The following JAKMIP1 variants were observed in gnomAD, a reference collection of about 807,000 sequenced individuals.
JAKMIP1 encodes janus kinase and microtubule-interacting protein 1.
JAKMIP1 carries 33 observed loss-of-function variants against 113.0 expected under a neutral mutation model. That is an observed-to-expected ratio of 0.29 (90% CI 0.22 to 0.39). JAKMIP1 has a LOEUF of 0.39. JAKMIP1 is among the 10% of genes least tolerant of loss of function. The probability of loss-of-function intolerance (pLI) is 1.00; values close to 1 mark genes in which losing one functional copy is unlikely to be tolerated. For missense variants in JAKMIP1, 813 were observed against 1,080.5 expected (o/e 0.75, Z 3.47); for synonymous variants, 480 against 459.9 (o/e 1.04, Z -0.56).
At chr4:6,056,403 C>A (rs1716469299) in intron 12 of JAKMIP1, among the ~76,000 whole-genome samples, 1 of 152,242 alleles carries the variant, frequency 6.6e-6, no homozygotes, top group South Asian at 2.1e-4. Flanking sequence ...GCCAGCCCTC[C>A]CCATTTCTGC....
Position 6,031,817 on chromosome 4 carries a change from C to T in JAKMIP1, c.2380-2036G>A, listed in dbSNP as rs1262105536. ...ATTCTGCCTCCCTGAGGCTTGGTGTCCTTATCTATAGATGGGTGCTGCCCA... is the reference window on the plus strand; with the variant it reads ...ATTCTGCCTCCCTGAGGCTTGGTGTTCTTATCTATAGATGGGTGCTGCCCA... On this transcript the variant is annotated intron_variant, in intron 19 of 20. Transcript: ENST00000409021. The surrounding 1 kb of genome is among the most constrained non-coding windows in gnomAD (Gnocchi z 4.4). 1.3e-5 allele frequency among the ~76,000 whole-genome samples: 2 copies of T among 152,322 alleles called. No homozygotes were observed. The highest frequency in any genetic ancestry group is 4.8e-5 in the African/African-American group (2 of 41,572).
intron 1 of JAKMIP1, among the ~76,000 whole-genome samples, chr4:6,117,376 C>A (rs1308812975): frequency 6.6e-6 from 1 of 152,134 alleles, no homozygotes; most frequent in Non-Finnish European, 1.5e-5. Context: ...GCCACAAAAA[C>A]CAACAAGTTT....
chr4:6,118,442 T>C (rs1716171494), intron 1 of JAKMIP1, among the ~76,000 whole-genome samples: 1 of 152,096 alleles, frequency 6.6e-6, no homozygotes, highest in South Asian at 2.1e-4. Context: ...ACAAGGGGCA[T>C]GTGGTGTCAG....
chr4:6,094,392 A>T lies in JAKMIP1; in HGVS notation c.625-8763T>A, dbSNP rs987695216. Among the ~76,000 whole-genome samples, 2 of 152,236 alleles carry T rather than the reference A, an allele frequency of 1.3e-5. No individual in the cohort carries two copies. Among genetic ancestry groups the T allele is most frequent in the African/African-American group, 4.8e-5 (2 of 41,550 alleles). On this transcript the variant is annotated intron_variant, in intron 3 of 20. Coordinates refer to ENST00000409021, the MANE Select transcript of JAKMIP1 (RefSeq NM_001099433.2). The surrounding 1 kb of genome is among the most constrained non-coding windows in gnomAD (Gnocchi z 4.2). ...CCACTGAGAAGGCCAGAAATGGGCC[A>T]CTCCTACCCAACTGACAGGAGGAAT...
In JAKMIP1 at chr4:6,140,177, C is replaced by G. The variant is rs375277165; in HGVS notation, c.-147-27180G>C. 6.6e-6 allele frequency among the ~76,000 whole-genome samples: 1 copy of G among 151,928 alleles called. No homozygotes were observed. The highest frequency in any genetic ancestry group is 1.5e-5 in the Non-Finnish European group (1 of 68,016). On this transcript the variant is annotated intron_variant, in intron 1 of 20. Transcript: ENST00000409021. This position sits in a 1 kb window ranked among gnomAD's most constrained non-coding sequence, Gnocchi z 9.4. Reference sequence around the variant, plus strand: ...ACACACAGGGGAGAAAGGCTGACAGCGGCAGAAACAATCAATGTTCACGTG... The same window carrying G: ...ACACACAGGGGAGAAAGGCTGACAGGGGCAGAAACAATCAATGTTCACGTG...
At chr4:6,134,110 C>T (rs576418696) in intron 1 of JAKMIP1, among the ~76,000 whole-genome samples, 2 of 152,348 alleles carry the variant, frequency 1.3e-5, no homozygotes, top group Admixed American at 6.5e-5. Flanking sequence ...GCAGTTCCCC[C>T]ATGCTGTTCT....
At position 6,035,950 on chromosome 4, in the gene JAKMIP1, C is replaced by T. The variant is rs1367195874; in HGVS notation, c.2333G>A (p.Ser778Asn). ...CTCCATGCGCTCCCGCAGGATCTGG[C>T]TGTCGAACTCGCGGCTCTGCCTGAG... The part of the protein sequence containing the change: ...QILRQSREFD[S>N]QILRERMELL... Residue 778 changes from serine (S) to asparagine (N), a missense_variant, in exon 19 of 21, where the codon AGC (serine) becomes AAC (asparagine). Physicochemically the swap from Ser to Asn is conservative, Grantham distance 46. Around this residue, in one of 2 missense-constraint regions of JAKMIP1, gnomAD observed 273 missense variants for 426.6 expected, o/e 0.64. Transcript: ENST00000409021. 1 of 1,551,410 alleles carries T rather than the reference C, an allele frequency of 6.4e-7. No homozygotes were observed. Among genetic ancestry groups the T allele is most frequent in the Admixed American group, 2.0e-5 (1 of 51,020 alleles).
chr4:6,170,432 G>GCACCC (rs1724365220), intron 1 of JAKMIP1, among the ~76,000 whole-genome samples: 8 of 1,340 alleles, frequency 6.0e-3, no homozygotes, highest in Admixed American at 0.025. Context: ...CATCACCATA[G>GCACCC]TCACCACCAC....
At position 6,050,643 on chromosome 4, in the gene JAKMIP1, T is replaced by C. The variant is rs1413354047; in HGVS notation, c.1843A>G (p.Ile615Val). The C allele has an allele frequency of 2.5e-6, 4 of 1,573,232 alleles. No individual in the cohort carries two copies. The highest frequency in any genetic ancestry group is 3.5e-6 in the Non-Finnish European group (4 of 1,158,780). ...ERRSPAFNLQ[I>V]TTFPENHSSA... Reference sequence around the variant, plus strand: ...CTGTGGTTCTCGGGGAAGGTGGTGATTTGGAGGTTAAATGCTGGCGACCTC... The same window carrying C: ...CTGTGGTTCTCGGGGAAGGTGGTGACTTGGAGGTTAAATGCTGGCGACCTC... Residue 615 changes from isoleucine (I) to valine (V), a missense_variant, in exon 14 of 21, where the codon ATC becomes GTC. Ile to Val is a conservative substitution (Grantham distance 29). Around this residue, in one of 2 missense-constraint regions of JAKMIP1, gnomAD observed 273 missense variants for 426.6 expected, o/e 0.64. Transcript: ENST00000409021. The surrounding 1 kb of genome is among the most constrained non-coding windows in gnomAD (Gnocchi z 7.4).
Position 6,183,817 on chromosome 4 carries a change from C to T in JAKMIP1, c.-148+16436G>A, listed in dbSNP as rs1726335126. Among the ~76,000 whole-genome samples the T allele has an allele frequency of 6.6e-6, 1 of 152,182 alleles. No homozygotes were observed. The highest frequency in any genetic ancestry group is 1.5e-5 in the Non-Finnish European group (1 of 68,030). On this transcript the variant is annotated intron_variant, in intron 1 of 20. Coordinates refer to ENST00000409021, the MANE Select transcript of JAKMIP1 (RefSeq NM_001099433.2). This position sits in a 1 kb window ranked among gnomAD's most constrained non-coding sequence, Gnocchi z 5.3. ...GGGCTTGGGGGACAGCCTCTCCTGT[C>T]ATCTCCAGTGAAATGCACTCTGAGA...
rs927812756 is a variant in JAKMIP1 at position 6,081,964 on chromosome 4, G to A, written c.955-209C>T. Among the ~76,000 whole-genome samples, 2 of 152,164 alleles carry A rather than the reference G, an allele frequency of 1.3e-5. No individual in the cohort carries two copies. The highest frequency in any genetic ancestry group is 2.9e-5 in the Non-Finnish European group (2 of 68,036). On this transcript the variant is annotated intron_variant, in intron 5 of 20. Transcript: ENST00000409021. The surrounding 1 kb of genome is among the most constrained non-coding windows in gnomAD (Gnocchi z 4.6). The stretch of plus-strand genomic sequence containing the variant: ...TCAAATGAGAATCACGGCAGCTCCT[G>A]TCTCCTAGGCACATGGTGAGAATTG...
In JAKMIP1 at chr4:6,064,546, G is replaced by A. The variant is rs576771444; in HGVS notation, c.1431+334C>T. On this transcript the variant is annotated intron_variant, in intron 9 of 20. Transcript: ENST00000409021. This position sits in a 1 kb window ranked among gnomAD's most constrained non-coding sequence, Gnocchi z 4.3. Reference sequence around the variant, plus strand: ...GGGACCAGGGAGAGACCATTACGCAGCAGTTTTAATTGCAAATGGTGAGGA... The same window carrying A: ...GGGACCAGGGAGAGACCATTACGCAACAGTTTTAATTGCAAATGGTGAGGA... 1.4e-4 allele frequency among the ~76,000 whole-genome samples: 22 copies of A among 152,336 alleles called. No homozygotes were observed. The highest frequency in any genetic ancestry group is 4.3e-4 in the African/African-American group (18 of 41,584).
Position 6,136,769 on chromosome 4 carries a change from C to A in JAKMIP1, c.-147-23772G>T, listed in dbSNP as rs570203905. On this transcript the variant is annotated intron_variant, in intron 1 of 20. Transcript: ENST00000409021. This position sits in a 1 kb window ranked among gnomAD's most constrained non-coding sequence, Gnocchi z 5.9. Reference sequence around the variant, plus strand: ...CTCCCTGTCCAGTCCAGCCAGCTGACCACAACCCACATCGTGGGGGTCCTG... The same window carrying A: ...CTCCCTGTCCAGTCCAGCCAGCTGAACACAACCCACATCGTGGGGGTCCTG... Among the ~76,000 whole-genome samples the A allele has an allele frequency of 2.0e-5, 3 of 152,322 alleles. No individual in the cohort carries two copies. Among genetic ancestry groups the A allele is most frequent in the Admixed American group, 2.0e-4 (3 of 15,302 alleles).
chr4:6,154,556 A>G lies in JAKMIP1; in HGVS notation c.-147-41559T>C, dbSNP rs772752570. ...AGGAAGAGGATGCATTTCAGCCTTGAAAAAGGCAATACCGAAAAGGCAGAC... is the reference window on the plus strand; with the variant it reads ...AGGAAGAGGATGCATTTCAGCCTTGGAAAAGGCAATACCGAAAAGGCAGAC... On this transcript the variant is annotated intron_variant, in intron 1 of 20. Coordinates refer to ENST00000409021, the MANE Select transcript of JAKMIP1 (RefSeq NM_001099433.2). The surrounding 1 kb of genome is among the most constrained non-coding windows in gnomAD (Gnocchi z 4.2). 4.6e-5 allele frequency among the ~76,000 whole-genome samples: 7 copies of G among 152,052 alleles called. No individual in the cohort carries two copies. The Middle Eastern group carries it at 0.01, about 223-fold the overall frequency.
Position 6,028,002 on chromosome 4 carries a change from C to T in JAKMIP1, c.2445+1714G>A, listed in dbSNP as rs117863238. Among the ~76,000 whole-genome samples the T allele has an allele frequency of 6.1e-4, 93 of 152,294 alleles. No homozygotes were observed. The East Asian group carries it at 0.017, about 27-fold the overall frequency. ...CCCTGGGCTGCGAACTTTCATATCCCCAACCTCATTTTATCCCTACATCCA... is the reference window on the plus strand; with the variant it reads ...CCCTGGGCTGCGAACTTTCATATCCTCAACCTCATTTTATCCCTACATCCA... On this transcript the variant is annotated intron_variant, in intron 20 of 20. Coordinates refer to ENST00000409021, the MANE Select transcript of JAKMIP1 (RefSeq NM_001099433.2).
chr4:6,029,898 A>C lies in JAKMIP1; in HGVS notation c.2380-117T>G, dbSNP rs899805328. 22 of 729,108 alleles carry C rather than the reference A, an allele frequency of 3.0e-5. 1 individual carries two copies. The highest frequency in any genetic ancestry group is 2.7e-4 in the South Asian group (17 of 63,478). 45.2% of individuals were successfully genotyped at this position (729,108 alleles called of 1,614,324 possible). On this transcript the variant is annotated intron_variant, in intron 19 of 20. Coordinates refer to ENST00000409021, the MANE Select transcript of JAKMIP1 (RefSeq NM_001099433.2). ...TGTAAAGGATACCAACACTGTGGGC[A>C]GCCTGATGAGCTCTGATACATGCAC...
intron 1 of JAKMIP1, among the ~76,000 whole-genome samples, chr4:6,147,035 T>C (rs1349721191): frequency 6.6e-6 from 1 of 152,172 alleles, no homozygotes; most frequent in East Asian, 1.9e-4. Flanking sequence ...CTCGGCTCAC[T>C]GCAACCTCTG....
intron 3 of JAKMIP1, among the ~76,000 whole-genome samples, chr4:6,090,725 T>C (rs995161645): frequency 3.3e-5 from 5 of 151,404 alleles, no homozygotes; most frequent in Admixed American, 3.3e-4. Context: ...CAAAACGCCA[T>C]GTTGACCGTG....
At chr4:6,070,326 G>A (rs970626608) in intron 8 of JAKMIP1, 91 of 383,742 alleles carry the variant, frequency 2.4e-4, no homozygotes, top group Non-Finnish European at 1.5e-4. Context: ...GCAACTCCAC[G>A]GCTTCCTGTG....
Sources: allele counts gnomAD v4.1 joint callset (sites outside exome capture counted in the v4.1 genomes callset), GRCh38; gene constraint gnomAD v4.1.1; regional missense constraint gnomAD v4.1.1; non-coding constraint Gnocchi (gnomAD v3.1); transcripts MANE v1.5; gene names NCBI Gene and HGNC (gene_info 2026-07-23, HGNC 2026-07-21).